Variants in RALYL observed in about 807,000 individuals in gnomAD.
RALYL encodes RNA-binding Raly-like protein.
RALYL carries 29 observed loss-of-function variants against 35.1 expected under a neutral mutation model. The ratio of observed to expected loss-of-function variants is 0.83; its 90% CI spans 0.61 to 1.13. The LOEUF is 1.13. Among genes scored for constraint, RALYL ranks in the 50% most tolerant of loss-of-function variants. The pLI, the probability that RALYL is intolerant of heterozygous loss-of-function variation, is 0.00. For synonymous variants in RALYL, 120 were observed against 127.6 expected (o/e 0.94, Z 0.40); for missense variants, 359 against 360.4 (o/e 1.00, Z 0.03).
chr8:84,547,729 T>A lies in RALYL; in HGVS notation c.256+18152T>A, dbSNP rs1374816576. On this transcript the variant is annotated intron_variant, in intron 2 of 8. Transcript: ENST00000521268. ...AGACCTTTTCATTGTCATTAATTTA[T>A]TGTATTATTGAAGTTTTCTTTGTGG... 2.0e-5 allele frequency among the ~76,000 whole-genome samples: 3 copies of A among 152,300 alleles called. No homozygotes were observed. In the East Asian group the frequency reaches 5.8e-4, roughly 29 times the overall value.
At chr8:84,335,149 T>C (rs1847536961) in intron 1 of RALYL, among the ~76,000 whole-genome samples, 1 of 152,114 alleles carries the variant, frequency 6.6e-6, no homozygotes, top group Non-Finnish European at 1.5e-5. Flanking sequence ...GTTTACTAAG[T>C]TCAAAGAATA....
chr8:84,617,222 G>C (rs1173870492), intron 2 of RALYL, among the ~76,000 whole-genome samples: 3 of 151,738 alleles, frequency 2.0e-5, no homozygotes, highest in Non-Finnish European at 2.9e-5. Context: ...TCCTACCCAT[G>C]AGCATGGAAT....
chr8:84,371,633 T>C (rs916467651), intron 1 of RALYL, among the ~76,000 whole-genome samples: 4 of 151,648 alleles, frequency 2.6e-5, no homozygotes, highest in African/African-American at 9.7e-5. Context: ...CTGAGTAGAC[T>C]GAATACAAAA....
intron 1 of RALYL, among the ~76,000 whole-genome samples, chr8:84,299,333 G>A (rs938541385): frequency 1.3e-5 from 2 of 151,932 alleles, no homozygotes; most frequent in Non-Finnish European, 2.9e-5. Flanking sequence ...TGATCGTGGT[G>A]GACTAGCTTT....
intron 7 of RALYL, among the ~76,000 whole-genome samples, chr8:84,883,470 G>T (rs1358710391): frequency 6.6e-6 from 1 of 152,032 alleles, no homozygotes; most frequent in African/African-American, 2.4e-5. Context: ...GAAAGTGAAA[G>T]GCACATCTTA....
At chr8:84,497,612 G>A (rs1281118070) in intron 1 of RALYL, among the ~76,000 whole-genome samples, 1 of 149,454 alleles carries the variant, frequency 6.7e-6, no homozygotes, top group South Asian at 2.1e-4. Flanking sequence ...TGATTTTTAA[G>A]GTTTTGTTTT....
At chr8:84,200,118 C>T (rs966784243) in intron 1 of RALYL, among the ~76,000 whole-genome samples, 3 of 152,104 alleles carry the variant, frequency 2.0e-5, no homozygotes, top group Non-Finnish European at 4.4e-5. Flanking sequence ...AAGTTTTCTG[C>T]TTTTACTCGT....
intron 3 of RALYL, among the ~76,000 whole-genome samples, chr8:84,804,152 T>C (rs1756920813): frequency 6.6e-6 from 1 of 152,160 alleles, no homozygotes; most frequent in Admixed American, 6.5e-5. Context: ...ACACAGAATA[T>C]GTTTTAAAGT....
In RALYL at chr8:84,784,365, G is replaced by A. The variant is rs187479926; in HGVS notation, c.332+9711G>A. 4.6e-5 allele frequency among the ~76,000 whole-genome samples: 7 copies of A among 152,272 alleles called. 1 individual carries two copies. The South Asian group carries it at 1.2e-3, about 27-fold the overall frequency. On this transcript the variant is annotated intron_variant, in intron 3 of 8. Coordinates refer to ENST00000521268, the MANE Select transcript of RALYL (RefSeq NM_173848.7). ...AACAGTGTAGATGGACGTGATTAATGAGAAACCAAACAGCCCTTTTTCCTC... is the reference window on the plus strand; with the variant it reads ...AACAGTGTAGATGGACGTGATTAATAAGAAACCAAACAGCCCTTTTTCCTC...
intron 1 of RALYL, among the ~76,000 whole-genome samples, chr8:84,401,219 TTTC>T (rs200619528): frequency 7.3e-5 from 11 of 151,148 alleles, no homozygotes; most frequent in East Asian, 3.9e-4. Flanking sequence ...TGTGCTTTCT[TTTC>T]TTCTTCTTTT....
At chr8:84,787,170 C>G (rs751319493) in intron 3 of RALYL, among the ~76,000 whole-genome samples, 8 of 151,906 alleles carry the variant, frequency 5.3e-5, no homozygotes, top group Non-Finnish European at 1.2e-4. Context: ...GCCCCCCACC[C>G]CCAAACAGAC....
intron 1 of RALYL, among the ~76,000 whole-genome samples, chr8:84,216,376 A>G (rs35874773): frequency 0.048 from 7,182 of 150,362 alleles, 224 homozygotes; most frequent in Middle Eastern, 0.075. Flanking sequence ...AAGAGATGTA[A>G]CATTTTTAAT....
chr8:84,865,193 G>GA (rs2135113908), intron 6 of RALYL, among the ~76,000 whole-genome samples: 1 of 152,068 alleles, frequency 6.6e-6, no homozygotes, highest in Non-Finnish European at 1.5e-5. Flanking sequence ...TTGGTTTCTG[G>GA]AAATAACAAA....
chr8:84,635,128 C>T lies in RALYL; in HGVS notation c.256+105551C>T, dbSNP rs77328065. Among the ~76,000 whole-genome samples, 538 of 151,790 alleles carry T rather than the reference C, an allele frequency of 3.5e-3. 5 individuals are homozygous for T. Among genetic ancestry groups the T allele is most frequent in the African/African-American group, 0.013 (521 of 41,442 alleles). ...GATAACTGATTGAACATTTACAGTG[C>T]GTTAAGTAGCAGGCTAAGTACTTTA... On this transcript the variant is annotated intron_variant, in intron 2 of 8. Coordinates refer to ENST00000521268, the MANE Select transcript of RALYL (RefSeq NM_173848.7).
chr8:84,197,231 C>T (rs555514520), intron 1 of RALYL, among the ~76,000 whole-genome samples: 21 of 152,166 alleles, frequency 1.4e-4, no homozygotes, highest in African/African-American at 4.8e-4. Flanking sequence ...CCTGCATTTT[C>T]GAAGTCCATA....
chr8:84,732,357 G>C (rs1426730172), intron 2 of RALYL, among the ~76,000 whole-genome samples: 1 of 151,998 alleles, frequency 6.6e-6, no homozygotes, highest in Non-Finnish European at 1.5e-5. Context: ...GCATGGACTT[G>C]GGTAATTTTC....
At chr8:84,916,573 T>C (rs1449516258) in intron 8 of RALYL, among the ~76,000 whole-genome samples, 1 of 152,070 alleles carries the variant, frequency 6.6e-6, no homozygotes, top group African/African-American at 2.4e-5. Context: ...CTGCCATCCA[T>C]GTAAGATGTG....
chr8:84,828,720 T>G (rs1407080571), intron 4 of RALYL: 1 of 177,292 alleles, frequency 5.6e-6, no homozygotes, highest in Non-Finnish European at 1.3e-5. Context: ...TTGATAACAA[T>G]TTGCCAAGCT....
intron 1 of RALYL, among the ~76,000 whole-genome samples, chr8:84,303,794 A>G (rs1234340468): frequency 1.3e-5 from 2 of 152,182 alleles, no homozygotes; most frequent in Non-Finnish European, 2.9e-5. Flanking sequence ...GCATGCCTCT[A>G]TGATTTATGG....
Sources: gnomAD v4.1 joint callset for allele counts (sites outside exome capture counted in the v4.1 genomes callset) on GRCh38, gnomAD v4.1.1 for gene constraint, MANE v1.5 for transcripts, NCBI Gene and HGNC (gene_info 2026-07-23, HGNC 2026-07-21) for gene names.